The following DARS2 variants were observed in gnomAD, a reference collection of about 807,000 sequenced individuals.
DARS2 encodes aspartyl-tRNA synthetase 2, mitochondrial, also known as aspartate--tRNA ligase, mitochondrial.
A neutral mutation model predicts 83.0 loss-of-function variants in DARS2; 63 were observed. That is an observed-to-expected ratio of 0.76 (90% CI 0.62 to 0.94). DARS2 has a LOEUF of 0.94. Ranked by LOEUF, DARS2 falls within the 40% of genes least tolerant of loss-of-function variation. The probability of loss-of-function intolerance (pLI) is 0.00; values close to 1 mark genes in which losing one functional copy is unlikely to be tolerated. For synonymous variants in DARS2, 250 were observed against 269.3 expected (o/e 0.93, Z 0.70); for missense variants, 675 against 774.4 (o/e 0.87, Z 1.52).
At chr1:173,852,969 C>T (rs1367280654) in intron 13 of DARS2, among the ~76,000 whole-genome samples, 1 of 152,092 alleles carries the variant, frequency 6.6e-6, no homozygotes, top group Non-Finnish European at 1.5e-5. Context: ...GGTCCTGCAC[C>T]TTATGTATAT....
rs769597479 is a variant in DARS2, at chr1:173,826,683, A to T, written c.128-4A>T. 1,703 of 1,314,414 alleles carry T rather than the reference A, an allele frequency of 1.3e-3. 5 individuals are homozygous for T. Among genetic ancestry groups the T allele is most frequent in the African/African-American group, 9.5e-3 (552 of 58,168 alleles). The allele number at this position is 1,314,414 out of a possible 1,614,324, so 81.4% of individuals were successfully genotyped here. A position where few individuals can be genotyped will look rare whatever the true frequency, so the allele number is the denominator to read the frequency against. On this transcript the variant is annotated splice_polypyrimidine_tract_variant and splice_region_variant and intron_variant, in intron 1 of 16. Transcript: ENST00000649689. ...AAAGTTTCTTTTTTTTTTTTTTTTT[A>T]AAGAATTCAGTAGCTTTGTTGTCCG...
intron 11 of DARS2, among the ~76,000 whole-genome samples, chr1:173,844,190 A>C (rs1653333351): frequency 6.6e-6 from 1 of 152,222 alleles, no homozygotes; most frequent in Non-Finnish European, 1.5e-5. Context: ...ATAATGTCTC[A>C]CTTGAAAGAC....
At chr1:173,838,430 T>C (rs1372831583) in intron 9 of DARS2, among the ~76,000 whole-genome samples, 171 bp downstream of exon 9, 1 of 152,122 alleles carries the variant, frequency 6.6e-6, no homozygotes, top group African/African-American at 2.4e-5. Context: ...TTTTTATTCA[T>C]TTCATGTGTC....
chr1:173,826,777 A>G lies in DARS2; in HGVS notation c.218A>G (p.Gln73Arg), dbSNP rs1557852985. The G allele has an allele frequency of 6.2e-7, 1 of 1,610,770 alleles. No individual in the cohort carries two copies. The change falls in exon 2 of 17, where the codon CAG (glutamine) becomes CGG (arginine). Residue 73 changes from glutamine to arginine, a missense_variant. Physicochemically the swap from Gln to Arg is conservative, Grantham distance 43 (BLOSUM62 1). Transcript: ENST00000649689. Reference sequence around the variant, plus strand: ...GAAGTCACCTTGTGTGGATGGATTCAGTACCGAAGGTAAATTGAGAAAGAC... The same window carrying G: ...GAAGTCACCTTGTGTGGATGGATTCGGTACCGAAGGTAAATTGAGAAAGAC... ...GQEVTLCGWI[Q>R]YRRQNTFLVL...
chr1:173,854,388 A>G (rs1330139981), intron 15 of DARS2, among the ~76,000 whole-genome samples: 1 of 152,204 alleles, frequency 6.6e-6, no homozygotes, highest in Non-Finnish European at 1.5e-5. Context: ...GTAAATAATA[A>G]TATTAAAAGT....
chr1:173,832,497 A>C lies in DARS2; in HGVS notation c.492+867A>C, dbSNP rs529310167. The stretch of plus-strand genomic sequence containing the variant: ...TGAAAATAAGCAAACTAGGCTGGGC[A>C]TGGTGGCTCACACCTGTAATCCCAG... On this transcript the variant is annotated intron_variant, in intron 5 of 16. Transcript: ENST00000649689. Among the ~76,000 whole-genome samples, 4 of 152,286 alleles carry C rather than the reference A, an allele frequency of 2.6e-5. No homozygotes were observed. The East Asian group carries it at 7.7e-4, about 29-fold the overall frequency.
intron 13 of DARS2, among the ~76,000 whole-genome samples, chr1:173,851,361 A>C (rs1282446011): frequency 2.6e-5 from 4 of 152,194 alleles, no homozygotes; most frequent in Non-Finnish European, 2.9e-5. Context: ...GGGGTAGTGA[A>C]ATTAGTCATA....
chr1:173,851,372 T>A (rs1653662010), intron 13 of DARS2, among the ~76,000 whole-genome samples: 2 of 152,066 alleles, frequency 1.3e-5, no homozygotes, highest in Non-Finnish European at 2.9e-5. Context: ...ATTAGTCATA[T>A]AACCATGAAA....
intron 2 of DARS2, 40 bp downstream of exon 2, chr1:173,826,826 T>C: frequency 6.9e-7 from 1 of 1,450,706 alleles, no homozygotes; most frequent in South Asian, 1.1e-5. Context: ...ATGGTGGTGG[T>C]TTTCCCAGGG....
At chr1:173,841,768 T>C (rs1225844313) in intron 11 of DARS2, among the ~76,000 whole-genome samples, 1 of 152,164 alleles carries the variant, frequency 6.6e-6, no homozygotes. Flanking sequence ...CACGGCATTC[T>C]AACCTGGATA....
At chr1:173,849,122 C>G (rs1288003443) in intron 12 of DARS2, among the ~76,000 whole-genome samples, 1 of 141,800 alleles carries the variant, frequency 7.1e-6, no homozygotes, top group Non-Finnish European at 1.5e-5. Flanking sequence ...CTTATGTTTT[C>G]TCTGGGGCTA....
chr1:173,841,460 G>A (rs1653207756), intron 11 of DARS2, among the ~76,000 whole-genome samples: 1 of 151,834 alleles, frequency 6.6e-6, no homozygotes, highest in Admixed American at 6.6e-5. Flanking sequence ...TTTTATGAAT[G>A]TGAGTTTACA....
chr1:173,838,043 G>A (rs1653070359), intron 8 of DARS2, 147 bp from the exon 9 acceptor site: 1 of 691,612 alleles, frequency 1.4e-6, no homozygotes, highest in African/African-American at 1.8e-5. Flanking sequence ...AAAGTGCTGG[G>A]ATTATAGGTA....
rs1652418120 is a variant in DARS2, at chr1:173,825,035, C to A, written c.-195C>A. The stretch of plus-strand genomic sequence containing the variant: ...TCCCTTATCTCCACCCCAGCAAGCA[C>A]CCCAGAGACCTTGGAGATTTGTCTT... On this transcript the variant is annotated 5_prime_UTR_variant, in exon 1 of 17. Coordinates refer to ENST00000649689, the MANE Select transcript of DARS2 (RefSeq NM_018122.5). 3.0e-6 allele frequency: 2 copies of A among 665,272 alleles called. No homozygotes were observed. The highest frequency in any genetic ancestry group is 2.5e-6 in the Non-Finnish European group (1 of 401,250). The allele number at this position is 665,272 out of a possible 1,614,324, so 41.2% of individuals were successfully genotyped here.
At chr1:173,845,583 C>T (rs1238085651) in intron 12 of DARS2, among the ~76,000 whole-genome samples, 1 of 152,156 alleles carries the variant, frequency 6.6e-6, no homozygotes, top group African/African-American at 2.4e-5. Context: ...AGGCTCAGGC[C>T]ACCATGCTGC....
rs1571995714 is a variant in DARS2 at position 173,850,339 on chromosome 1, G to A, written c.1204G>A (p.Val402Ile). ...ADHFNQEILP[V>I]FLNANRNWNS... ...TTCTTTTACACAGGAAATCTTACCTGTATTCCTTAACGCCAATAGAAACTG... is the reference window on the plus strand; with the variant it reads ...TTCTTTTACACAGGAAATCTTACCTATATTCCTTAACGCCAATAGAAACTG... Residue 402 changes from valine to isoleucine, a missense_variant, in exon 13 of 17, where the codon GTA (valine) becomes ATA (isoleucine). Physicochemically the swap from Val to Ile is conservative, Grantham distance 29. Transcript: ENST00000649689. 6.2e-7 allele frequency: 1 copy of A among 1,608,682 alleles called. No homozygotes were observed. Among genetic ancestry groups the A allele is most frequent in the Non-Finnish European group, 8.5e-7 (1 of 1,177,862 alleles).
In DARS2 at chr1:173,836,923, T is replaced by TTC; in HGVS notation, c.664-9_664-8dup. On this transcript the variant is annotated splice_polypyrimidine_tract_variant and intron_variant, in intron 7 of 16. Transcript: ENST00000649689. ...TTTTAATAATCTGTCTTCTCTCTCT[T>TTC]TCTCTCTCTTTGAAAGGGTGCCAAA... 1 of 1,603,678 alleles carries TTC rather than the reference T, an allele frequency of 6.2e-7. No individual in the cohort carries two copies. Among genetic ancestry groups the TTC allele is most frequent in the Non-Finnish European group, 8.5e-7 (1 of 1,170,740 alleles).
Position 173,853,427 on chromosome 1 carries a change from C to G in DARS2, c.1423C>G (p.Leu475Val), listed in dbSNP as rs367676130. ...AGGAGTGGTGCTCCGTGACCCCACT[C>G]TGTTCTCTTTCCTTTGGGTGGTAGA... ...TRGVVLRDPT[L>V]FSFLWVVDFP... is the part of the protein sequence containing the mutation. Residue 475 changes from leucine to valine, a missense_variant, in exon 14 of 17, where the codon CTG becomes GTG. Physicochemically the swap from Leu to Val is conservative, Grantham distance 32. Transcript: ENST00000649689. The G allele has an allele frequency of 6.2e-7, 1 of 1,614,132 alleles. No homozygotes were observed. Among genetic ancestry groups the G allele is most frequent in the Non-Finnish European group, 8.5e-7 (1 of 1,180,038 alleles).
At chr1:173,849,173 C>A (rs1343083291) in intron 12 of DARS2, among the ~76,000 whole-genome samples, 2 of 142,828 alleles carry the variant, frequency 1.4e-5, no homozygotes, top group Non-Finnish European at 3.0e-5. Flanking sequence ...TTTTTTAATG[C>A]TGCAGAGTTT....
Sources: gnomAD v4.1 joint callset for allele counts (sites outside exome capture counted in the v4.1 genomes callset) on GRCh38, gnomAD v4.1.1 for gene constraint, MANE v1.5 for transcripts, NCBI Gene and HGNC (gene_info 2026-07-23, HGNC 2026-07-21) for gene names.